Variants in AFAP1L2 observed in about 807,000 individuals in gnomAD.
The protein encoded by AFAP1L2 is actin filament-associated protein 1-like 2.
Under a neutral mutation model 99.3 loss-of-function variants are expected in AFAP1L2, and 46 were observed. That is an observed-to-expected ratio of 0.46 (90% CI 0.37 to 0.59). AFAP1L2 has a LOEUF of 0.59. AFAP1L2 is among the 20% of genes least tolerant of loss of function. The pLI, the probability that AFAP1L2 is intolerant of heterozygous loss-of-function variation, is 0.00. For synonymous variants in AFAP1L2, 397 were observed against 419.1 expected (o/e 0.95, Z 0.64); for missense variants, 959 against 1,034.9 (o/e 0.93, Z 1.01).
chr10:114,361,097 C>T (rs754912354), intron 1 of AFAP1L2, among the ~76,000 whole-genome samples: 14 of 152,100 alleles, frequency 9.2e-5, no homozygotes, highest in East Asian at 1.9e-4. Context: ...CAGGAAAACT[C>T]CCCCCTTATA....
rs957785112 is a variant in AFAP1L2, at chr10:114,295,662, A to AC, written c.*379dup. ...TCTTCTCACTCACCAAAGACACGTG[A>AC]CCCATAAGACAGGGCCCTGCTTCCT... On this transcript the variant is annotated 3_prime_UTR_variant, in exon 19 of 19. Coordinates refer to ENST00000304129, the MANE Select transcript of AFAP1L2 (RefSeq NM_001001936.3). 2.0e-5 allele frequency: 20 copies of AC among 1,019,644 alleles called. No individual in the cohort carries two copies. The highest frequency in any genetic ancestry group is 4.9e-4 in the Middle Eastern group (1 of 2,054). The allele number at this position is 1,019,644 out of a possible 1,614,324, so 63.2% of individuals were successfully genotyped here. A position where few individuals can be genotyped will look rare whatever the true frequency, so the allele number is the denominator to read the frequency against.
intron 4 of AFAP1L2, among the ~76,000 whole-genome samples, chr10:114,326,903 C>T (rs1027609901): frequency 2.0e-5 from 3 of 151,114 alleles, no homozygotes; most frequent in East Asian, 2.0e-4. Flanking sequence ...AAAAGTTTTG[C>T]GTATATGTGT....
At chr10:114,330,412 G>A (rs528222846) in intron 4 of AFAP1L2, among the ~76,000 whole-genome samples, 11 of 152,256 alleles carry the variant, frequency 7.2e-5, no homozygotes, top group East Asian at 1.9e-4. Context: ...CCCCAGCCAT[G>A]CCCTACAGAG....
intron 4 of AFAP1L2, 72 bp downstream of exon 4, chr10:114,331,731 A>C (rs2047261572): frequency 9.2e-7 from 1 of 1,081,924 alleles, no homozygotes; most frequent in African/African-American, 1.6e-5. Flanking sequence ...TAGTGAGCTG[A>C]CACCTGTGGA....
At chr10:114,326,147 G>T (rs1488812066) in intron 4 of AFAP1L2, 2 of 837,818 alleles carry the variant, frequency 2.4e-6, no homozygotes, top group East Asian at 6.6e-5. Context: ...CCTGTCTAGG[G>T]TGGAGCCAGG....
intron 1 of AFAP1L2, among the ~76,000 whole-genome samples, chr10:114,375,414 C>G (rs976560376): frequency 6.6e-6 from 1 of 152,180 alleles, no homozygotes; most frequent in African/African-American, 2.4e-5. Flanking sequence ...GGAACTACTA[C>G]TATAGCCAGA....
intron 1 of AFAP1L2, among the ~76,000 whole-genome samples, chr10:114,368,410 G>A (rs2053593110): frequency 6.6e-6 from 1 of 151,766 alleles, no homozygotes. Context: ...TATTGGTTTG[G>A]GGGTTCTGTT....
chr10:114,302,211 T>C, intron 12 of AFAP1L2, 128 bp downstream of exon 12: 1 of 1,370,668 alleles, frequency 7.3e-7, no homozygotes, highest in Non-Finnish European at 1.0e-6. Context: ...TGGCTTCACA[T>C]TTTCCTGCTG....
chr10:114,290,418 C>T, downstream of AFAP1L2: 1 of 1,540,078 alleles, frequency 6.5e-7, no homozygotes, highest in Non-Finnish European at 8.8e-7. Context: ...ATTGCGAGTC[C>T]TGCCAAGTCC....
the AFAP1L2 span, chr10:114,286,380 G>A: frequency 6.2e-7 from 1 of 1,613,852 alleles, no homozygotes; most frequent in Non-Finnish European, 8.5e-7. Context: ...GGTGTAGGCA[G>A]TGAGGCCGTG....
In AFAP1L2 at chr10:114,295,118, C is replaced by T. The variant is rs2040000259; in HGVS notation, c.*924G>A. The T allele has an allele frequency of 1.0e-6, 1 of 984,972 alleles. No homozygotes were observed. The allele number at this position is 984,972 out of a possible 1,614,324, so 61.0% of individuals were successfully genotyped here. A position where few individuals can be genotyped will look rare whatever the true frequency, so the allele number is the denominator to read the frequency against. On this transcript the variant is annotated 3_prime_UTR_variant, in exon 19 of 19. Coordinates refer to ENST00000304129, the MANE Select transcript of AFAP1L2 (RefSeq NM_001001936.3). ...GGCGATCACCCTAACCAAAAATCAC[C>T]ACTTTGTTCTTGGAAGGAGAATGAA...
At chr10:114,381,172 C>T (rs1180838234) in intron 1 of AFAP1L2, among the ~76,000 whole-genome samples, 1 of 152,158 alleles carries the variant, frequency 6.6e-6, no homozygotes, top group Non-Finnish European at 1.5e-5. Flanking sequence ...GTTGTTATAG[C>T]CATACAACAG....
intron 1 of AFAP1L2, among the ~76,000 whole-genome samples, chr10:114,346,518 A>G (rs1258532962): frequency 6.6e-6 from 1 of 152,136 alleles, no homozygotes; most frequent in Non-Finnish European, 1.5e-5. Flanking sequence ...CAGAGTGCCA[A>G]CCTCAGTGAC....
chr10:114,288,789 G>A, the AFAP1L2 span: 1 of 748,450 alleles, frequency 1.3e-6, no homozygotes, highest in Non-Finnish European at 2.2e-6. Context: ...GCTGTTCTGT[G>A]GCTAAAAGGA....
At chr10:114,343,252 G>T in intron 1 of AFAP1L2, among the ~76,000 whole-genome samples, 1 of 152,140 alleles carries the variant, frequency 6.6e-6, no homozygotes, top group East Asian at 1.9e-4. Flanking sequence ...AACTCCTAGG[G>T]TTTACTGCAT....
chr10:114,392,125 T>A (rs72826941), intron 1 of AFAP1L2, among the ~76,000 whole-genome samples: 4,381 of 152,194 alleles, frequency 0.029, 86 homozygotes, highest in Non-Finnish European at 0.042. Context: ...GGGGCTTACA[T>A]TTGTAATCCC....
chr10:114,333,050 A>C (rs1172444909), intron 3 of AFAP1L2, among the ~76,000 whole-genome samples, 171 bp downstream of exon 3: 2 of 152,192 alleles, frequency 1.3e-5, no homozygotes, highest in Non-Finnish European at 2.9e-5. Flanking sequence ...AAACATCCTG[A>C]AATACATCAA....
intron 4 of AFAP1L2, among the ~76,000 whole-genome samples, chr10:114,331,152 T>C (rs77929227): frequency 4.8e-5 from 7 of 146,262 alleles, no homozygotes; most frequent in African/African-American, 1.7e-4. Flanking sequence ...AGGAACGGGA[T>C]TTTTTTTTTT....
chr10:114,379,090 A>G (rs1299607885), intron 1 of AFAP1L2, among the ~76,000 whole-genome samples: 2 of 152,082 alleles, frequency 1.3e-5, no homozygotes. Context: ...CTGGGTGCCC[A>G]TAATCCCAGC....
Sources: allele counts gnomAD v4.1 joint callset (sites outside exome capture counted in the v4.1 genomes callset), GRCh38; gene constraint gnomAD v4.1.1; transcripts MANE v1.5; gene names NCBI Gene and HGNC (gene_info 2026-07-23, HGNC 2026-07-21).